The following CAMK2D variants were observed in gnomAD, a reference collection of about 807,000 sequenced individuals.
The protein encoded by CAMK2D is calcium/calmodulin-dependent protein kinase type II subunit delta.
In CAMK2D, 37 loss-of-function variants were observed where a neutral mutation model predicts 84.0. The ratio of observed to expected loss-of-function variants is 0.44; its 90% CI spans 0.34 to 0.58. The LOEUF is 0.58. Ranked by LOEUF, CAMK2D falls within the 20% of genes least tolerant of loss-of-function variation. The pLI, the probability that CAMK2D is intolerant of heterozygous loss-of-function variation, is 0.02. For synonymous variants in CAMK2D, 202 were observed against 212.5 expected (o/e 0.95, Z 0.43); for missense variants, 448 against 652.5 (o/e 0.69, Z 3.41).
Position 113,631,049 on chromosome 4 carries a change from A to T in CAMK2D, c.221-21843T>A, listed in dbSNP as rs2099087525. 2.0e-5 allele frequency among the ~76,000 whole-genome samples: 3 copies of T among 152,178 alleles called. No individual in the cohort carries two copies. The South Asian group carries it at 6.2e-4, about 32-fold the overall frequency. On this transcript the variant is annotated intron_variant, in intron 3 of 20. Coordinates refer to ENST00000511664, the MANE Select transcript of CAMK2D (RefSeq NM_001321571.2). ...GACAGGGACTTCAGAAAACAATTAC[A>T]ATCCAGCCCCTCAGTTGTACTAATG...
At chr4:113,690,734 T>C (rs191197864) in intron 2 of CAMK2D, among the ~76,000 whole-genome samples, 57 of 152,334 alleles carry the variant, frequency 3.7e-4, no homozygotes, top group African/African-American at 1.3e-3. Context: ...TGGGCAAGTT[T>C]TAATTTGAAT....
chr4:113,628,051 A>G (rs1255879781), intron 3 of CAMK2D, among the ~76,000 whole-genome samples: 2 of 149,964 alleles, frequency 1.3e-5, no homozygotes, highest in East Asian at 1.9e-4. Context: ...TACTATCAAG[A>G]TAACTGTTGA....
intron 3 of CAMK2D, among the ~76,000 whole-genome samples, chr4:113,640,315 C>T (rs117148521): frequency 1.3e-5 from 2 of 151,636 alleles, no homozygotes. Flanking sequence ...AAATGCCCTG[C>T]GTAGATTTAA....
chr4:113,514,250 T>C (rs1222162124), intron 10 of CAMK2D, among the ~76,000 whole-genome samples: 1 of 152,002 alleles, frequency 6.6e-6, no homozygotes, highest in Non-Finnish European at 1.5e-5. Context: ...GCATCTCTAC[T>C]AAAAATACAA....
At chr4:113,752,859 C>T (rs2099620464) in intron 2 of CAMK2D, among the ~76,000 whole-genome samples, 2 of 152,226 alleles carry the variant, frequency 1.3e-5, no homozygotes, top group Non-Finnish European at 2.9e-5. Context: ...TATCTTCTCT[C>T]ACAGGTTGGA....
intron 2 of CAMK2D, among the ~76,000 whole-genome samples, chr4:113,698,195 T>C (rs2099408498): frequency 6.6e-6 from 1 of 152,008 alleles, no homozygotes; most frequent in South Asian, 2.1e-4. Context: ...AAATGAAAAA[T>C]AAAATGGTTG....
At chr4:113,486,027 A>G (rs1388282453) in intron 16 of CAMK2D, among the ~76,000 whole-genome samples, 1 of 152,174 alleles carries the variant, frequency 6.6e-6, no homozygotes. Context: ...ATTGGTGAAG[A>G]GATATGAAGA....
At chr4:113,692,559 C>A (rs140933543) in intron 2 of CAMK2D, among the ~76,000 whole-genome samples, 74 of 151,906 alleles carry the variant, frequency 4.9e-4, no homozygotes, top group African/African-American at 1.7e-3. Context: ...TCACACTATT[C>A]ATATAGTCAT....
intron 3 of CAMK2D, among the ~76,000 whole-genome samples, chr4:113,640,557 G>A (rs1236233100): frequency 6.6e-6 from 1 of 152,166 alleles, no homozygotes; most frequent in African/African-American, 2.4e-5. Flanking sequence ...AACCTAATCA[G>A]TATTGTAATG....
At chr4:113,600,033 A>G (rs891040887) in intron 4 of CAMK2D, among the ~76,000 whole-genome samples, 1 of 152,204 alleles carries the variant, frequency 6.6e-6, no homozygotes, top group African/African-American at 2.4e-5. Context: ...AAAGAAATCA[A>G]TCTAAAAGGT....
intron 18 of CAMK2D, among the ~76,000 whole-genome samples, chr4:113,459,760 G>C (rs1013372060): frequency 6.6e-6 from 1 of 150,956 alleles, no homozygotes; most frequent in African/African-American, 2.4e-5. Flanking sequence ...CCAAGTAGCT[G>C]GGATTACAGG....
chr4:113,667,022 A>G (rs1469578922), intron 2 of CAMK2D, among the ~76,000 whole-genome samples: 2 of 152,112 alleles, frequency 1.3e-5, no homozygotes, highest in Non-Finnish European at 2.9e-5. Context: ...AATTTTTCAC[A>G]TTTGTTTCAT....
At chr4:113,562,687 A>G (rs1013769314) in intron 4 of CAMK2D, among the ~76,000 whole-genome samples, 1 of 152,238 alleles carries the variant, frequency 6.6e-6, no homozygotes, top group African/African-American at 2.4e-5. Flanking sequence ...CAGTAAGACA[A>G]ATGTGCTTGA....
chr4:113,761,428 G>A lies in CAMK2D; in HGVS notation c.-360C>T. On this transcript the variant is annotated 5_prime_UTR_variant, in exon 1 of 21. Transcript: ENST00000511664. The stretch of plus-strand genomic sequence containing the variant: ...GAAATGGAAAAACAGCCAGGCACGG[G>A]ACGAGTGGCAAGCAGTTGCGAAACG... 1 of 1,201,906 alleles carries A rather than the reference G, an allele frequency of 8.3e-7. No individual in the cohort carries two copies. The highest frequency in any genetic ancestry group is 1.0e-6 in the Non-Finnish European group (1 of 955,086). 74.5% of individuals were successfully genotyped at this position (1,201,906 alleles called of 1,614,324 possible). A position where few individuals can be genotyped will look rare whatever the true frequency, so the allele number is the denominator to read the frequency against.
intron 18 of CAMK2D, among the ~76,000 whole-genome samples, chr4:113,458,762 C>T (rs1444548789): frequency 1.3e-5 from 2 of 152,146 alleles, no homozygotes; most frequent in Admixed American, 1.3e-4. Context: ...ATTCGAAAAT[C>T]CATGCCAAGG....
At chr4:113,628,002 C>T (rs1592161578) in intron 3 of CAMK2D, among the ~76,000 whole-genome samples, 1 of 152,152 alleles carries the variant, frequency 6.6e-6, no homozygotes, top group Non-Finnish European at 1.5e-5. Flanking sequence ...CTGATCATGG[C>T]TCTTAGCCCT....
chr4:113,581,956 C>T (rs935134610), intron 4 of CAMK2D, among the ~76,000 whole-genome samples: 26 of 152,146 alleles, frequency 1.7e-4, no homozygotes, highest in Non-Finnish European at 3.7e-4. Flanking sequence ...CTTTCCATGA[C>T]GAGAAAGGGA....
At chr4:113,685,828 C>T (rs909261244) in intron 2 of CAMK2D, among the ~76,000 whole-genome samples, 4 of 151,976 alleles carry the variant, frequency 2.6e-5, no homozygotes, top group Non-Finnish European at 4.4e-5. Context: ...CTTTGGGAGG[C>T]TGAGGTAGGT....
chr4:113,471,918 TTTTATATA>T (rs141497914), intron 16 of CAMK2D, among the ~76,000 whole-genome samples: 5,449 of 152,238 alleles, frequency 0.036, 259 homozygotes, highest in African/African-American at 0.12. Context: ...CCTCTAGGGC[TTTTATATA>T]TTCTCCAGCC....
Sources: gnomAD v4.1 joint callset for allele counts (sites outside exome capture counted in the v4.1 genomes callset) on GRCh38, gnomAD v4.1.1 for gene constraint, MANE v1.5 for transcripts, NCBI Gene and HGNC (gene_info 2026-07-23, HGNC 2026-07-21) for gene names.